The following CACNA2D3 variants were observed in gnomAD, a reference collection of about 807,000 sequenced individuals.
CACNA2D3 encodes the protein calcium voltage-gated channel auxiliary subunit alpha2delta 3, also known as voltage-dependent calcium channel subunit alpha-2/delta-3.
CACNA2D3 carries 60 observed loss-of-function variants against 160.6 expected under a neutral mutation model. The ratio of observed to expected loss-of-function variants is 0.37; its 90% CI spans 0.30 to 0.46. The LOEUF is 0.46. Ranked by LOEUF, CACNA2D3 falls within the 20% of genes least tolerant of loss-of-function variation. The probability of loss-of-function intolerance (pLI) is 1.00; values close to 1 mark genes in which losing one functional copy is unlikely to be tolerated. For synonymous variants in CACNA2D3, 558 were observed against 492.9 expected, an observed-to-expected ratio of 1.13 and a Z score of -1.75; for missense variants, 1,205 against 1,365.0, an observed-to-expected ratio of 0.88 and a Z score of 1.85.
intron 9 of CACNA2D3, among the ~76,000 whole-genome samples, chr3:54,613,395 T>C (rs1698784039): frequency 6.6e-6 from 1 of 152,238 alleles, no homozygotes; most frequent in African/African-American, 2.4e-5. Flanking sequence ...ACTTATTTCA[T>C]GTCCTGAGGA....
intron 11 of CACNA2D3, among the ~76,000 whole-genome samples, chr3:54,706,837 T>C (rs940452769): frequency 6.6e-6 from 1 of 152,202 alleles, no homozygotes; most frequent in African/African-American, 2.4e-5. Flanking sequence ...TGGATTTCAT[T>C]TGGGGCCCTG....
intron 3 of CACNA2D3, among the ~76,000 whole-genome samples, chr3:54,350,982 G>GTTTTTTTTTTTTTT (rs1491034355): frequency 6.5e-5 from 4 of 61,798 alleles, no homozygotes; most frequent in South Asian, 5.2e-4. Flanking sequence ...TTTTTTTTTT[G>GTTTTTTTTTTTTTT]TTTGTTTTTT....
chr3:54,625,714 T>C (rs1193007552), intron 9 of CACNA2D3, among the ~76,000 whole-genome samples: 4 of 152,202 alleles, frequency 2.6e-5, no homozygotes, highest in African/African-American at 9.6e-5. Context: ...ACCCAAACTT[T>C]GGCGTTCACA....
At chr3:54,204,796 GAAA>G (rs57129457) in intron 2 of CACNA2D3, among the ~76,000 whole-genome samples, 2,370 of 74,068 alleles carry the variant, frequency 0.032, 146 homozygotes, top group African/African-American at 0.084. Context: ...ATGCTGTCTT[GAAA>G]AAAAAAAAAA....
intron 27 of CACNA2D3, among the ~76,000 whole-genome samples, chr3:54,965,165 A>G (rs1021057734): frequency 1.3e-5 from 2 of 152,178 alleles, no homozygotes; most frequent in African/African-American, 2.4e-5. Context: ...GTGCAAACCA[A>G]TTAGTGTGGC....
chr3:54,494,219 A>G (rs536262616), intron 4 of CACNA2D3, among the ~76,000 whole-genome samples: 182 of 152,346 alleles, frequency 1.2e-3, no homozygotes, highest in African/African-American at 4.3e-3. Flanking sequence ...CATTGATCAT[A>G]TGGACAAAAC....
At chr3:54,787,641 T>G (rs1702667058) in intron 13 of CACNA2D3, among the ~76,000 whole-genome samples, 1 of 152,156 alleles carries the variant, frequency 6.6e-6, no homozygotes, top group Non-Finnish European at 1.5e-5. Context: ...GGTAATAAAT[T>G]ATGGAGAAGT....
At chr3:55,013,515 G>A (rs1470415376) in intron 34 of CACNA2D3, among the ~76,000 whole-genome samples, 1 of 152,196 alleles carries the variant, frequency 6.6e-6, no homozygotes, top group Non-Finnish European at 1.5e-5. Flanking sequence ...CGTAAGGAGG[G>A]AAATGTTCCA....
At chr3:54,451,112 T>G (rs559157423) in intron 4 of CACNA2D3, among the ~76,000 whole-genome samples, 1 of 152,080 alleles carries the variant, frequency 6.6e-6, no homozygotes, top group African/African-American at 2.4e-5. Flanking sequence ...GGGTACCAGG[T>G]GGCAACCTCA....
intron 35 of CACNA2D3, among the ~76,000 whole-genome samples, chr3:55,040,937 G>A (rs1335623831): frequency 2.0e-5 from 3 of 151,944 alleles, no homozygotes; most frequent in African/African-American, 7.3e-5. Flanking sequence ...TTGGTAGTTG[G>A]TTTAGCTTTT....
At chr3:54,170,213 G>A (rs1700538009) in intron 2 of CACNA2D3, among the ~76,000 whole-genome samples, 1 of 150,260 alleles carries the variant, frequency 6.7e-6, no homozygotes, top group Admixed American at 6.6e-5. Flanking sequence ...AAAAAAGTGA[G>A]GGGGTAAGGA....
chr3:54,788,904 A>G (rs1311763580), intron 13 of CACNA2D3, among the ~76,000 whole-genome samples: 1 of 152,162 alleles, frequency 6.6e-6, no homozygotes, highest in African/African-American at 2.4e-5. Context: ...TTTCTCCAGA[A>G]ATTCTTAGTA....
Position 54,570,529 on chromosome 3 carries a change from A to G in CACNA2D3, c.888+425A>G, listed in dbSNP as rs184612425. Among the ~76,000 whole-genome samples, 216 of 152,200 alleles carry G rather than the reference A, an allele frequency of 1.4e-3. 1 individual carries two copies. Among genetic ancestry groups the G allele is most frequent in the Middle Eastern group, 3.4e-3 (1 of 294 alleles). The stretch of plus-strand genomic sequence containing the variant: ...ATTGATAATAATAATAATAATGGCA[A>G]TGAAGCAACTAAAATATGGAGAGCA... On this transcript the variant is annotated intron_variant, in intron 8 of 37. Coordinates refer to ENST00000474759, the MANE Select transcript of CACNA2D3 (RefSeq NM_018398.3).
intron 34 of CACNA2D3, among the ~76,000 whole-genome samples, chr3:55,016,021 A>G (rs1275960603): frequency 6.6e-6 from 1 of 152,132 alleles, no homozygotes; most frequent in Non-Finnish European, 1.5e-5. Context: ...GGTCCATTTT[A>G]TTCTATTTTA....
intron 9 of CACNA2D3, among the ~76,000 whole-genome samples, chr3:54,618,374 T>TATATATACACACACACACAC: frequency 3.7e-5 from 2 of 54,580 alleles, no homozygotes; most frequent in African/African-American, 2.3e-4. Context: ...TATATATATA[T>TATATATACACACACACACAC]GCACACACAC....
At chr3:54,425,927 C>T (rs1699905980) in intron 4 of CACNA2D3, among the ~76,000 whole-genome samples, 1 of 152,236 alleles carries the variant, frequency 6.6e-6, no homozygotes, top group African/African-American at 2.4e-5. Context: ...CCTTTGGTAG[C>T]CCAGATTTCA....
intron 11 of CACNA2D3, among the ~76,000 whole-genome samples, chr3:54,677,639 T>G (rs1373828513): frequency 6.6e-6 from 1 of 151,014 alleles, no homozygotes; most frequent in African/African-American, 2.4e-5. Context: ...GGCAACGTAC[T>G]TACTCGTCTA....
intron 27 of CACNA2D3, among the ~76,000 whole-genome samples, chr3:54,926,000 C>G (rs951809850): frequency 6.6e-6 from 1 of 152,104 alleles, no homozygotes; most frequent in African/African-American, 2.4e-5. Flanking sequence ...TCTGCAAGTC[C>G]TTCATGGGTT....
intron 4 of CACNA2D3, among the ~76,000 whole-genome samples, chr3:54,502,610 T>C (rs2106944274): frequency 6.6e-6 from 1 of 152,356 alleles, no homozygotes; most frequent in South Asian, 2.1e-4. Context: ...ACACCTGCCA[T>C]TGGCCATCTG....
Sources: gnomAD v4.1 joint callset for allele counts (sites outside exome capture counted in the v4.1 genomes callset) on GRCh38, gnomAD v4.1.1 for gene constraint, MANE v1.5 for transcripts, NCBI Gene and HGNC (gene_info 2026-07-23, HGNC 2026-07-21) for gene names.